The following ARL8A variants were observed in gnomAD, a reference collection of about 807,000 sequenced individuals.
ARL8A encodes the protein ARF like GTPase 8A.
ARL8A carries 10 observed loss-of-function variants against 31.2 expected under a neutral mutation model. That is an observed-to-expected ratio of 0.32 (90% CI 0.20 to 0.54). ARL8A has a LOEUF of 0.54. Among genes scored for constraint, ARL8A ranks in the 20% least tolerant of loss-of-function variants. The pLI, the probability that ARL8A is intolerant of heterozygous loss-of-function variation, is 0.93. For missense variants in ARL8A, 129 were observed against 242.8 expected (o/e 0.53, Z 3.12); for synonymous variants, 70 against 86.9 (o/e 0.81, Z 1.08).
At chr1:202,137,933 C>T (rs746405598) in intron 3 of ARL8A, 32 bp downstream of exon 3, 1 of 1,613,168 alleles carries the variant, frequency 6.2e-7, no homozygotes, top group East Asian at 2.2e-5. Flanking sequence ...CCGGGTAAGG[C>T]TGGAGTCTGG....
rs372713531 is a variant in ARL8A at position 202,144,595 on chromosome 1, C to G, written c.-23G>C. On this transcript the variant is annotated 5_prime_UTR_variant, in exon 1 of 7. Coordinates refer to ENST00000272217, the MANE Select transcript of ARL8A (RefSeq NM_138795.4). The surrounding 1 kb of genome is among the most constrained non-coding windows in gnomAD (Gnocchi z 5.2). The stretch of plus-strand genomic sequence containing the variant: ...CATGGTCGCTGCCGCCGGCCCCGCC[C>G]GGTGCCAGGTCCCCGCCGCCCCTCG... The G allele has an allele frequency of 2.9e-6, 4 of 1,398,942 alleles. No individual in the cohort carries two copies. Among genetic ancestry groups the G allele is most frequent in the African/African-American group, 1.5e-5 (1 of 65,472 alleles). 86.7% of individuals were successfully genotyped at this position (1,398,942 alleles called of 1,614,324 possible).
intron 1 of ARL8A, among the ~76,000 whole-genome samples, chr1:202,143,300 G>T (rs1365762015): frequency 6.6e-6 from 1 of 152,200 alleles, no homozygotes; most frequent in African/African-American, 2.4e-5. Flanking sequence ...CTTCTAGGAC[G>T]CTGAGAACTG....
intron 1 of ARL8A, among the ~76,000 whole-genome samples, chr1:202,139,213 C>A (rs1439964458): frequency 6.6e-6 from 1 of 152,196 alleles, no homozygotes; most frequent in Non-Finnish European, 1.5e-5. Flanking sequence ...AGACCCAACT[C>A]CCTCCCAGGT....
Position 202,135,348 on chromosome 1 carries a change from G to C in ARL8A, c.440+111C>G. 1.3e-6 allele frequency: 2 copies of C among 1,483,666 alleles called. No individual in the cohort carries two copies. The highest frequency in any genetic ancestry group is 2.3e-5 in the South Asian group (2 of 88,080). The allele number at this position is 1,483,666 out of a possible 1,614,324, so 91.9% of individuals were successfully genotyped here. On this transcript the variant is annotated intron_variant, in intron 5 of 6. Coordinates refer to ENST00000272217, the MANE Select transcript of ARL8A (RefSeq NM_138795.4). This position sits in a 1 kb window ranked among gnomAD's most constrained non-coding sequence, Gnocchi z 5.3. ...GAGGGTGAGGTGCCTGAAAAGGTCG[G>C]CTCTGCTGCCACCGTGTGGCTAATA...
In ARL8A at chr1:202,134,326, C is replaced by T. The variant is rs1571718074; in HGVS notation, c.*141G>A. On this transcript the variant is annotated 3_prime_UTR_variant, in exon 7 of 7. Transcript: ENST00000272217. This position sits in a 1 kb window ranked among gnomAD's most constrained non-coding sequence, Gnocchi z 4.2. ...AACAGGAGTTCAAACCTCAGCAGAA[C>T]AGGACTCTGGGGTCCCCAGAGGGCC... 2 of 747,912 alleles carry T rather than the reference C, an allele frequency of 2.7e-6. No homozygotes were observed. Among genetic ancestry groups the T allele is most frequent in the South Asian group, 3.3e-5 (2 of 61,486 alleles). 46.3% of individuals were successfully genotyped at this position (747,912 alleles called of 1,614,324 possible).
intron 1 of ARL8A, among the ~76,000 whole-genome samples, chr1:202,143,801 C>T (rs1655227113): frequency 1.3e-5 from 2 of 152,230 alleles, no homozygotes; most frequent in South Asian, 4.1e-4. Flanking sequence ...AGTCTCCAAA[C>T]TCCCGTTACC....
Position 202,135,637 on chromosome 1 carries a change from G to A in ARL8A, c.372+70C>T. ...TCCTCTCTGCGCCCCTACCATGCCT[G>A]GCTTTTACCTGCTCCCAGTGACTTC... is the stretch of plus-strand genomic sequence containing the variant. On this transcript the variant is annotated intron_variant, in intron 4 of 6. Transcript: ENST00000272217. The surrounding 1 kb of genome is among the most constrained non-coding windows in gnomAD (Gnocchi z 5.3). 1 of 1,579,562 alleles carries A rather than the reference G, an allele frequency of 6.3e-7. No homozygotes were observed. Among genetic ancestry groups the A allele is most frequent in the East Asian group, 2.2e-5 (1 of 44,640 alleles).
Position 202,134,605 on chromosome 1 carries a change from G to T in ARL8A, c.512-89C>A, listed in dbSNP as rs1654953446. ...GAGGCCCAAGAAACCAAACCTAAGGGTATCAGAAGTCCAGAGATGCCAGGA... is the reference window on the plus strand; with the variant it reads ...GAGGCCCAAGAAACCAAACCTAAGGTTATCAGAAGTCCAGAGATGCCAGGA... On this transcript the variant is annotated intron_variant, in intron 6 of 6. Transcript: ENST00000272217. The surrounding 1 kb of genome is among the most constrained non-coding windows in gnomAD (Gnocchi z 4.2). The T allele has an allele frequency of 8.1e-7, 1 of 1,229,612 alleles. No individual in the cohort carries two copies. The highest frequency in any genetic ancestry group is 1.2e-6 in the Non-Finnish European group (1 of 831,930). 76.2% of individuals were successfully genotyped at this position (1,229,612 alleles called of 1,614,324 possible). A position where few individuals can be genotyped will look rare whatever the true frequency, so the allele number is the denominator to read the frequency against.
Position 202,144,587 on chromosome 1 carries a change from G to A in ARL8A, c.-15C>T. On this transcript the variant is annotated 5_prime_UTR_variant, in exon 1 of 7. Coordinates refer to ENST00000272217, the MANE Select transcript of ARL8A (RefSeq NM_138795.4). This position sits in a 1 kb window ranked among gnomAD's most constrained non-coding sequence, Gnocchi z 5.2. ...AAAGCGATCATGGTCGCTGCCGCCGGCCCCGCCCGGTGCCAGGTCCCCGCC... is the reference window on the plus strand; with the variant it reads ...AAAGCGATCATGGTCGCTGCCGCCGACCCCGCCCGGTGCCAGGTCCCCGCC... 2 of 1,404,210 alleles carry A rather than the reference G, an allele frequency of 1.4e-6. No homozygotes were observed. Among genetic ancestry groups the A allele is most frequent in the Non-Finnish European group, 1.9e-6 (2 of 1,056,534 alleles). 87.0% of individuals were successfully genotyped at this position (1,404,210 alleles called of 1,614,324 possible).
In ARL8A at chr1:202,138,011, A is replaced by G. The variant is rs762646939; in HGVS notation, c.232T>C (p.Phe78Leu). ...KLWDIGGQPR[F>L]RSMWERYCRG... ...CAGTAGCGCTCCCACATGCTGCGGA[A>G]ACGCGGCTGTCCCCCAATGTCCCAG... The change falls in exon 3 of 7, where the codon TTC becomes CTC. Residue 78 changes from phenylalanine to leucine, a missense_variant. By Grantham distance (22) the Phe-to-Leu change is conservative. Coordinates refer to ENST00000272217, the MANE Select transcript of ARL8A (RefSeq NM_138795.4). This position sits in a 1 kb window ranked among gnomAD's most constrained non-coding sequence, Gnocchi z 4.4. 6.2e-7 allele frequency: 1 copy of G among 1,614,110 alleles called. No homozygotes were observed. The highest frequency in any genetic ancestry group is 1.3e-5 in the African/African-American group (1 of 75,046).
intron 1 of ARL8A, among the ~76,000 whole-genome samples, chr1:202,140,859 A>C (rs1232084171): frequency 6.6e-6 from 1 of 152,192 alleles, no homozygotes; most frequent in East Asian, 1.9e-4. Context: ...TTTGTCTCTC[A>C]TCCCAGGGGG....
chr1:202,135,823 G>C lies in ARL8A; in HGVS notation c.279-23C>G. 1 of 1,594,794 alleles carries C rather than the reference G, an allele frequency of 6.3e-7. No individual in the cohort carries two copies. The highest frequency in any genetic ancestry group is 1.1e-5 in the South Asian group (1 of 90,596). ...TACCTGGGGAAAGAGGCAGGGTGGG[G>C]ACAAGCATGTTGACACCACAGGCTG... On this transcript the variant is annotated intron_variant, in intron 3 of 6. Coordinates refer to ENST00000272217, the MANE Select transcript of ARL8A (RefSeq NM_138795.4). The surrounding 1 kb of genome is among the most constrained non-coding windows in gnomAD (Gnocchi z 5.3).
In ARL8A at chr1:202,135,226, G is replaced by A; in HGVS notation, c.441-6C>T. 6.2e-7 allele frequency: 1 copy of A among 1,613,656 alleles called. No homozygotes were observed. The highest frequency in any genetic ancestry group is 8.5e-7 in the Non-Finnish European group (1 of 1,179,536). Reference sequence around the variant, plus strand: ...CCTGGATGGCAGACAGATTCCTGGGGGAAACCAGAGTAGAGTCCGCTGAGG... The same window carrying A: ...CCTGGATGGCAGACAGATTCCTGGGAGAAACCAGAGTAGAGTCCGCTGAGG... On this transcript the variant is annotated splice_polypyrimidine_tract_variant and splice_region_variant and intron_variant, in intron 5 of 6. Transcript: ENST00000272217. This position sits in a 1 kb window ranked among gnomAD's most constrained non-coding sequence, Gnocchi z 5.3.
chr1:202,136,691 G>T (rs972528099), intron 3 of ARL8A, among the ~76,000 whole-genome samples: 1 of 152,018 alleles, frequency 6.6e-6, no homozygotes, highest in Non-Finnish European at 1.5e-5. Flanking sequence ...CACCTCAGTC[G>T]TCTGAGTAGC....
chr1:202,141,686 C>A (rs1310032554), intron 1 of ARL8A, among the ~76,000 whole-genome samples: 1 of 151,644 alleles, frequency 6.6e-6, no homozygotes, highest in Non-Finnish European at 1.5e-5. Flanking sequence ...AAAAATCTAT[C>A]ATTCCTAGAA....
chr1:202,138,231 G>A lies in ARL8A; in HGVS notation c.204+137C>T, dbSNP rs1655068237. ...ACTGTCTTTTCCCAGCTCCTCAGCAGGGGGACCCTGGCCTCTGCCCCACTT... is the reference window on the plus strand; with the variant it reads ...ACTGTCTTTTCCCAGCTCCTCAGCAAGGGGACCCTGGCCTCTGCCCCACTT... On this transcript the variant is annotated intron_variant, in intron 2 of 6. Transcript: ENST00000272217. The surrounding 1 kb of genome is among the most constrained non-coding windows in gnomAD (Gnocchi z 4.4). The A allele has an allele frequency of 8.4e-7, 1 of 1,185,464 alleles. No individual in the cohort carries two copies. The highest frequency in any genetic ancestry group is 1.2e-6 in the Non-Finnish European group (1 of 825,004). The allele number at this position is 1,185,464 out of a possible 1,614,324, so 73.4% of individuals were successfully genotyped here.
chr1:202,141,541 C>A (rs1655163695), intron 1 of ARL8A, among the ~76,000 whole-genome samples: 1 of 151,354 alleles, frequency 6.6e-6, no homozygotes, highest in South Asian at 2.1e-4. Flanking sequence ...ACTCGGGAGA[C>A]TGAGGCAGGA....
At chr1:202,143,864 G>A (rs1337065547) in intron 1 of ARL8A, among the ~76,000 whole-genome samples, 1 of 152,212 alleles carries the variant, frequency 6.6e-6, no homozygotes, top group Admixed American at 6.5e-5. Flanking sequence ...GGAGAAGTTG[G>A]GGAGGAGTCT....
Position 202,138,999 on chromosome 1 carries a change from C to G in ARL8A, c.124-551G>C, listed in dbSNP as rs17488131. 0.055 allele frequency among the ~76,000 whole-genome samples: 8,371 copies of G among 152,252 alleles called. 292 individuals are homozygous for G. The highest frequency in any genetic ancestry group is 0.074 in the Non-Finnish European group (5,037 of 68,024). On this transcript the variant is annotated intron_variant, in intron 1 of 6. Transcript: ENST00000272217. This position sits in a 1 kb window ranked among gnomAD's most constrained non-coding sequence, Gnocchi z 4.4. ...GTTATTGGGAAGGATAACCTACACT[C>G]TATATCGTCTGCTTATTTATCTATG...
Sources: gnomAD v4.1 joint callset for allele counts (sites outside exome capture counted in the v4.1 genomes callset) on GRCh38, gnomAD v4.1.1 for gene constraint, Gnocchi (gnomAD v3.1) non-coding constraint, MANE v1.5 for transcripts, NCBI Gene and HGNC (gene_info 2026-07-23, HGNC 2026-07-21) for gene names.